Variants in DENND1C observed in about 807,000 individuals in gnomAD.
DENND1C encodes the protein DENN domain containing 1C.
Under a neutral mutation model 87.9 loss-of-function variants are expected in DENND1C, and 64 were observed. The observed-to-expected ratio is 0.73, with a 90% CI of 0.60 to 0.90. The LOEUF (loss-of-function observed/expected upper bound fraction) is 0.90, where lower values mean the gene tolerates loss of function less well. DENND1C is among the 40% of genes least tolerant of loss of function. The pLI, the probability that DENND1C is intolerant of heterozygous loss-of-function variation, is 0.00. For missense variants in DENND1C, 980 were observed against 1,037.0 expected, an observed-to-expected ratio of 0.95 and a Z score of 0.76; for synonymous variants, 384 against 424.4, an observed-to-expected ratio of 0.90 and a Z score of 1.17.
At chr19:6,474,213 A>AAG (rs1555748661) in intron 14 of DENND1C, among the ~76,000 whole-genome samples, 7 of 145,488 alleles carry the variant, frequency 4.8e-5, no homozygotes, top group Admixed American at 1.4e-4. Flanking sequence ...AAAAAAAAAA[A>AAG]AAGAAGAAGA....
At chr19:6,479,374 GGGTTCCGA>G (rs1250380210) in intron 4 of DENND1C, among the ~76,000 whole-genome samples, 28 of 149,178 alleles carry the variant, frequency 1.9e-4, no homozygotes, top group African/African-American at 6.6e-4. Flanking sequence ...CTGAGTCTCT[GGGTTCCGA>G]AGTCCCTGAA....
intron 15 of DENND1C, 94 bp downstream of exon 15, chr19:6,472,795 G>A (rs2092836601): frequency 9.5e-7 from 1 of 1,057,828 alleles, no homozygotes; most frequent in Non-Finnish European, 1.3e-6. Flanking sequence ...CAGGGACCCA[G>A]GAGTCTGCCC....
At chr19:6,477,726 G>A (rs1397390780) in intron 6 of DENND1C, 2 of 153,462 alleles carry the variant, frequency 1.3e-5, no homozygotes, top group African/African-American at 4.9e-5. Flanking sequence ...TACAATTACA[G>A]GCGTGAGCCA....
At chr19:6,468,715 G>A (rs2092810793) in intron 20 of DENND1C, 70 bp from the exon 21 acceptor site, 3 of 1,392,724 alleles carry the variant, frequency 2.2e-6, no homozygotes, top group South Asian at 3.0e-5. Context: ...GCTGGAGAAG[G>A]GTGAGTGTGA....
intron 18 of DENND1C, chr19:6,469,976 A>C: frequency 2.2e-6 from 1 of 463,292 alleles, no homozygotes; most frequent in Non-Finnish European, 3.9e-6. Flanking sequence ...AGCTTGGGAG[A>C]TAAAAGGCAG....
intron 1 of DENND1C, among the ~76,000 whole-genome samples, chr19:6,481,050 C>T (rs2145221930): frequency 6.6e-6 from 1 of 151,822 alleles, no homozygotes; most frequent in African/African-American, 2.4e-5. Context: ...GTGTGAGACC[C>T]CATAGAACCC....
intron 18 of DENND1C, chr19:6,470,027 C>G (rs938122825): frequency 2.1e-6 from 1 of 475,940 alleles, no homozygotes; most frequent in African/African-American, 1.9e-5. Flanking sequence ...AGAATGTTTG[C>G]CAGCAAATCT....
intron 1 of DENND1C, 107 bp from the exon 2 acceptor site, chr19:6,480,158 C>A: frequency 6.6e-7 from 1 of 1,518,420 alleles, no homozygotes; most frequent in South Asian, 1.3e-5. Flanking sequence ...CAAGGTGCGT[C>A]GGCATGTGCA....
At chr19:6,470,620 G>GTTTTTTTTTTTTT (rs35687922) in intron 17 of DENND1C, among the ~76,000 whole-genome samples, 10 of 114,782 alleles carry the variant, frequency 8.7e-5, no homozygotes, top group Non-Finnish European at 1.4e-4. Flanking sequence ...GTTTTTTTTT[G>GTTTTTTTTTTTTT]TTTTTTTTTT....
chr19:6,477,187 CGA>C (rs2092866584), intron 8 of DENND1C, 29 bp downstream of exon 8: 1 of 1,590,668 alleles, frequency 6.3e-7, no homozygotes, highest in African/African-American at 1.4e-5. Context: ...CCTGGACCCC[CGA>C]CCTTCCAGGG....
chr19:6,468,481 C>A (rs1468340725), intron 21 of DENND1C, 40 bp from the exon 22 acceptor site: 1 of 1,587,664 alleles, frequency 6.3e-7, no homozygotes, highest in Non-Finnish European at 8.6e-7. Context: ...TGCCCAAGAC[C>A]CCCAGCCCTG....
intron 17 of DENND1C, among the ~76,000 whole-genome samples, chr19:6,470,578 TTG>T (rs2092822196): frequency 6.6e-6 from 1 of 152,216 alleles, no homozygotes; most frequent in South Asian, 2.1e-4. Flanking sequence ...GTTTTTGTTT[TTG>T]TTTTTTTTGA....
Position 6,479,853 on chromosome 19 carries a change from G to T in DENND1C, c.126+6C>A. ...CCCTGGGGGAGCAAGGAGCCAGCCT[G>T]AATACCTGGTCCCTGAAGTCTGGAG... On this transcript the variant is annotated splice_donor_region_variant and intron_variant, in intron 3 of 22. Transcript: ENST00000381480. 6.2e-7 allele frequency: 1 copy of T among 1,611,674 alleles called. No individual in the cohort carries two copies. Among genetic ancestry groups the T allele is most frequent in the South Asian group, 1.1e-5 (1 of 90,842 alleles).
Position 6,467,705 on chromosome 19 carries a change from A to G in DENND1C, c.2205T>C (p.Leu735=), listed in dbSNP as rs1177906992. 1.3e-6 allele frequency: 2 copies of G among 1,521,318 alleles called. No homozygotes were observed. Among genetic ancestry groups the G allele is most frequent in the Non-Finnish European group, 1.8e-6 (2 of 1,137,526 alleles). 94.2% of individuals were successfully genotyped at this position (1,521,318 alleles called of 1,614,324 possible). ...GAGAACTGGGGTCTGAGGAAGGATC[A>G]AGGGGCTGGGACGTCCAGGCTATAT... ...NFDIAWTSQP[L]DPSSDPSSLE... Residue 735 remains leucine, a synonymous_variant, in exon 23 of 23, where the codon CTT becomes CTC. Coordinates refer to ENST00000381480, the MANE Select transcript of DENND1C (RefSeq NM_024898.4).
Position 6,475,872 on chromosome 19 carries a change from G to A in DENND1C, c.744C>T (p.Ile248=). Residue 248 remains isoleucine (I), a synonymous_variant, in exon 11 of 23, where the codon ATC becomes ATT. Transcript: ENST00000381480. The stretch of plus-strand genomic sequence containing the variant: ...CCAGCAGGTGTGGGGGCAGCGTGGG[G>A]ATCAGCACGTGCTCCCAGCGCATGG... ...LYPMRWEHVL[I]PTLPPHLLDY... is the part of the protein sequence containing the mutation. 1 of 1,557,582 alleles carries A rather than the reference G, an allele frequency of 6.4e-7. No homozygotes were observed. Among genetic ancestry groups the A allele is most frequent in the Non-Finnish European group, 8.6e-7 (1 of 1,158,152 alleles).
Position 6,467,789 on chromosome 19 carries a change from G to A in DENND1C, c.2121C>T (p.Pro707=), listed in dbSNP as rs2145167931. The part of the protein sequence containing the change: ...ENPTPWLSTA[P]TEPSPPESPQ... ...GGCTTTCTGGAGGGCTGGGCTCAGT[G>A]GGTGCAGTGGAGAGCCAGGGAGTGG... The change falls in exon 23 of 23, where the codon CCC becomes CCT. Residue 707 remains proline, a synonymous_variant. Coordinates refer to ENST00000381480, the MANE Select transcript of DENND1C (RefSeq NM_024898.4). 1 of 1,527,544 alleles carries A rather than the reference G, an allele frequency of 6.5e-7. No homozygotes were observed. The highest frequency in any genetic ancestry group is 1.4e-5 in the African/African-American group (1 of 72,044). 94.6% of individuals were successfully genotyped at this position (1,527,544 alleles called of 1,614,324 possible). A position where few individuals can be genotyped will look rare whatever the true frequency, so the allele number is the denominator to read the frequency against.
In DENND1C at chr19:6,476,619, G is replaced by A. The variant is rs997917315; in HGVS notation, c.678+238C>T. On this transcript the variant is annotated intron_variant, in intron 10 of 22. Coordinates refer to ENST00000381480, the MANE Select transcript of DENND1C (RefSeq NM_024898.4). Reference sequence around the variant, plus strand: ...GAGGGGTGGAGCCAGACGTGTTGCGGCCCATAGTGGGTGGAGCCTGAGCAC... The same window carrying A: ...GAGGGGTGGAGCCAGACGTGTTGCGACCCATAGTGGGTGGAGCCTGAGCAC... 3 of 516,872 alleles carry A rather than the reference G, an allele frequency of 5.8e-6. No homozygotes were observed. In the Admixed American group the frequency reaches 1.1e-4, roughly 19 times the overall value. 32.0% of individuals were successfully genotyped at this position (516,872 alleles called of 1,614,324 possible). A position where few individuals can be genotyped will look rare whatever the true frequency, so the allele number is the denominator to read the frequency against.
At position 6,477,368 on chromosome 19, in the gene DENND1C, A is replaced by C; in HGVS notation, c.447+10T>G. On this transcript the variant is annotated intron_variant, in intron 7 of 22. Transcript: ENST00000381480. ...TAAGGTCCAGCGCCCAGGGAATGGG[A>C]GCTACTCACCAGCTCAAGCCCCACT... The C allele has an allele frequency of 6.2e-7, 1 of 1,613,252 alleles. No homozygotes were observed. Among genetic ancestry groups the C allele is most frequent in the Non-Finnish European group, 8.5e-7 (1 of 1,179,640 alleles).
chr19:6,469,443 G>A, intron 19 of DENND1C, 153 bp downstream of exon 19: 1 of 744,380 alleles, frequency 1.3e-6, no homozygotes. Flanking sequence ...TCCATATTCA[G>A]ATAATTTTTA....
Sources: allele counts gnomAD v4.1 joint callset (sites outside exome capture counted in the v4.1 genomes callset), GRCh38; gene constraint gnomAD v4.1.1; transcripts MANE v1.5; gene names NCBI Gene and HGNC (gene_info 2026-07-23, HGNC 2026-07-21).